FZD3: variants seen among roughly 807,000 people sequenced by gnomAD.
The protein encoded by FZD3 is frizzled class receptor 3.
FZD3 carries 30 observed loss-of-function variants against 60.7 expected under a neutral mutation model. The ratio of observed to expected loss-of-function variants is 0.49; its 90% CI spans 0.37 to 0.67. The LOEUF is 0.67. Ranked by LOEUF, FZD3 falls within the 30% of genes least tolerant of loss-of-function variation. The pLI is 0.00. For missense variants in FZD3, 605 were observed against 838.7 expected, an observed-to-expected ratio of 0.72 and a Z score of 3.44; for synonymous variants, 246 against 275.2, an observed-to-expected ratio of 0.89 and a Z score of 1.05.
At chr8:28,535,319 T>C (rs1804981308) in intron 5 of FZD3, among the ~76,000 whole-genome samples, 1 of 152,208 alleles carries the variant, frequency 6.6e-6, no homozygotes, top group African/African-American at 2.4e-5. Flanking sequence ...CCCATATGCC[T>C]TGTACCAGTT....
intron 5 of FZD3, among the ~76,000 whole-genome samples, chr8:28,532,066 T>C (rs1189609045): frequency 6.6e-6 from 1 of 152,216 alleles, no homozygotes; most frequent in Non-Finnish European, 1.5e-5. Context: ...GGATAAGACA[T>C]GTGCTTTCTG....
Position 28,502,835 on chromosome 8 carries a change from G to A in FZD3, c.-179G>A, listed in dbSNP as rs1023010980. 2.0e-5 allele frequency: 8 copies of A among 398,052 alleles called. No homozygotes were observed. The Admixed American group carries it at 2.1e-4, about 11-fold the overall frequency. 24.7% of individuals were successfully genotyped at this position (398,052 alleles called of 1,614,324 possible). ...CCATATTGTGAAACCAAAAACAAACGCCTTTTGTGAGACCAAGCTAACAAA... is the reference window on the plus strand; with the variant it reads ...CCATATTGTGAAACCAAAAACAAACACCTTTTGTGAGACCAAGCTAACAAA... On this transcript the variant is annotated 5_prime_UTR_variant, in exon 3 of 8. Transcript: ENST00000240093.
intron 5 of FZD3, among the ~76,000 whole-genome samples, chr8:28,539,397 C>T (rs1805103426): frequency 6.6e-6 from 1 of 152,124 alleles, no homozygotes; most frequent in South Asian, 2.1e-4. Context: ...GTTTTGCTGT[C>T]CTAGTTGAGG....
chr8:28,517,170 T>A (rs957823677), intron 3 of FZD3, among the ~76,000 whole-genome samples: 1 of 152,218 alleles, frequency 6.6e-6, no homozygotes, highest in African/African-American at 2.4e-5. Context: ...TTTTTGTCTA[T>A]CTAAAAGTAT....
chr8:28,543,592 G>A (rs1228540683), intron 5 of FZD3, among the ~76,000 whole-genome samples: 3 of 152,004 alleles, frequency 2.0e-5, no homozygotes, highest in Non-Finnish European at 4.4e-5. Flanking sequence ...TGTTGGCCAG[G>A]CTGATCTCGA....
chr8:28,562,973 A>G lies in FZD3; in HGVS notation c.1963A>G (p.Met655Val), dbSNP rs1235120240. Residue 655 changes from methionine to valine, a missense_variant, in exon 8 of 8, where the codon ATG (methionine) becomes GTG (valine). By Grantham distance (21) the Met-to-Val change is conservative. Coordinates refer to ENST00000240093, the MANE Select transcript of FZD3 (RefSeq NM_017412.4). ...GACTCATATCACACATGGCACCAGCATGAATCGGGTTATTGAAGAAGATGG... is the reference window on the plus strand; with the variant it reads ...GACTCATATCACACATGGCACCAGCGTGAATCGGGTTATTGAAGAAGATGG... ...PMTHITHGTS[M>V]NRVIEEDGTS... 25 of 1,613,466 alleles carry G rather than the reference A, an allele frequency of 1.5e-5. No individual in the cohort carries two copies. Among genetic ancestry groups the G allele is most frequent in the East Asian group, 2.2e-5 (1 of 44,884 alleles).
chr8:28,542,499 C>T (rs979952248), intron 5 of FZD3, among the ~76,000 whole-genome samples: 2 of 151,948 alleles, frequency 1.3e-5, no homozygotes, highest in African/African-American at 4.8e-5. Context: ...TTAGCTGGGC[C>T]TAGTGGCGCA....
At chr8:28,522,830 G>A (rs893261175) in intron 4 of FZD3, among the ~76,000 whole-genome samples, 1 of 146,188 alleles carries the variant, frequency 6.8e-6, no homozygotes, top group African/African-American at 2.6e-5. Flanking sequence ...GAGTGCAGTG[G>A]CGTGACTTGG....
At chr8:28,518,278 A>G (rs1037507354) in intron 3 of FZD3, among the ~76,000 whole-genome samples, 4 of 150,648 alleles carry the variant, frequency 2.7e-5, no homozygotes, top group Admixed American at 1.3e-4. Flanking sequence ...GGCTGGTCTC[A>G]AATTCCTGAG....
chr8:28,523,426 C>T (rs1563390514), intron 4 of FZD3, among the ~76,000 whole-genome samples: 1 of 151,946 alleles, frequency 6.6e-6, no homozygotes, highest in African/African-American at 2.4e-5. Flanking sequence ...TCCCAAAGAC[C>T]TCACTTCATT....
intron 5 of FZD3, among the ~76,000 whole-genome samples, chr8:28,541,224 C>T (rs1483283905): frequency 6.6e-6 from 1 of 152,236 alleles, no homozygotes; most frequent in Non-Finnish European, 1.5e-5. Context: ...TCTTGGCCCT[C>T]TGGCTCCAAC....
rs1439356153 is a variant in FZD3 at position 28,511,805 on chromosome 8, C to T, written c.189+8603C>T. Among the ~76,000 whole-genome samples the T allele has an allele frequency of 2.0e-5, 3 of 152,098 alleles. No individual in the cohort carries two copies. The East Asian group carries it at 5.8e-4, about 29-fold the overall frequency. ...TATATTATTATGTTGGAATTGTTCA[C>T]GTTTTTATTCCTTCTGCTAGAATTT... On this transcript the variant is annotated intron_variant, in intron 3 of 7. Coordinates refer to ENST00000240093, the MANE Select transcript of FZD3 (RefSeq NM_017412.4).
chr8:28,539,304 A>G, intron 5 of FZD3, among the ~76,000 whole-genome samples: 1 of 152,208 alleles, frequency 6.6e-6, no homozygotes. Context: ...GGTTGCATGC[A>G]CCATTTATTG....
intron 5 of FZD3, among the ~76,000 whole-genome samples, chr8:28,536,328 G>T (rs544228295): frequency 4.0e-5 from 6 of 151,876 alleles, no homozygotes; most frequent in African/African-American, 1.4e-4. Context: ...CATTTATTTC[G>T]GTAACAGAAA....
At chr8:28,498,604 A>C (rs1001715036) in intron 1 of FZD3, among the ~76,000 whole-genome samples, 4 of 152,190 alleles carry the variant, frequency 2.6e-5, no homozygotes, top group Non-Finnish European at 5.9e-5. Flanking sequence ...TTTTTGAGAC[A>C]GTCTCACTCT....
chr8:28,539,428 G>C (rs76049878), intron 5 of FZD3, among the ~76,000 whole-genome samples: 1,952 of 152,284 alleles, frequency 0.013, 47 homozygotes, highest in African/African-American at 0.045. Context: ...CTGTCCCAGT[G>C]CTACATTGTC....
chr8:28,522,958 C>T (rs887839840), intron 4 of FZD3, among the ~76,000 whole-genome samples: 5 of 151,736 alleles, frequency 3.3e-5, no homozygotes, highest in African/African-American at 9.7e-5. Context: ...TTGGTAGAGA[C>T]GGGGTTTCAC....
At chr8:28,521,906 TTTTG>T (rs1262192029) in intron 4 of FZD3, among the ~76,000 whole-genome samples, 1 of 152,190 alleles carries the variant, frequency 6.6e-6, no homozygotes, top group Non-Finnish European at 1.5e-5. Flanking sequence ...TTAAAAATAA[TTTTG>T]TTTGTTATCT....
Position 28,499,000 on chromosome 8 carries a change from G to A in FZD3, c.-390-933G>A, listed in dbSNP as rs73669813. 6.4e-3 allele frequency among the ~76,000 whole-genome samples: 979 copies of A among 152,216 alleles called. 14 individuals are homozygous for A. The highest frequency in any genetic ancestry group is 0.022 in the African/African-American group (930 of 41,536). On this transcript the variant is annotated intron_variant, in intron 1 of 7. Coordinates refer to ENST00000240093, the MANE Select transcript of FZD3 (RefSeq NM_017412.4). ...ATCACTGATTTGCTTTTCTTACTAG[G>A]TACAGTAGAGCAGTAGTGTATTCCT...
Sources: allele counts gnomAD v4.1 joint callset (sites outside exome capture counted in the v4.1 genomes callset), GRCh38; gene constraint gnomAD v4.1.1; transcripts MANE v1.5; gene names NCBI Gene and HGNC (gene_info 2026-07-23, HGNC 2026-07-21).